The following DIPK1C variants were observed in gnomAD, a reference collection of about 807,000 sequenced individuals.
DIPK1C encodes the protein familial non-conventional Alzheimer's dementia.
A neutral mutation model predicts 28.0 loss-of-function variants in DIPK1C; 33 were observed. The ratio of observed to expected loss-of-function variants is 1.18; its 90% CI spans 0.89 to 1.58. DIPK1C has a LOEUF of 1.58. Ranked by LOEUF, DIPK1C falls within the 40% of genes most tolerant of loss-of-function variation. DIPK1C has a pLI of 0.00. For synonymous variants in DIPK1C, 255 were observed against 248.8 expected, an observed-to-expected ratio of 1.02 and a Z score of -0.23; for missense variants, 569 against 568.5, an observed-to-expected ratio of 1.00 and a Z score of -0.01.
At chr18:74,442,182 T>C in intron 2 of DIPK1C, 66 bp from the exon 3 acceptor site, 1 of 1,584,832 alleles carries the variant, frequency 6.3e-7, no homozygotes, top group Non-Finnish European at 8.6e-7. Flanking sequence ...GGGAGCCTGT[T>C]CACAACTTCT....
intron 3 of DIPK1C, 93 bp downstream of exon 3, chr18:74,441,859 A>C: frequency 7.3e-7 from 1 of 1,378,966 alleles, no homozygotes; most frequent in Non-Finnish European, 1.0e-6. Flanking sequence ...GAAAAGGTCG[A>C]CCTTGAGCTC....
intron 3 of DIPK1C, among the ~76,000 whole-genome samples, chr18:74,441,016 C>A (rs1986110927): frequency 6.6e-6 from 1 of 152,200 alleles, no homozygotes; most frequent in African/African-American, 2.4e-5. Context: ...GCTGGGACCA[C>A]TAGGTTAACA....
At chr18:74,445,700 G>A (rs1295921242) in intron 2 of DIPK1C, among the ~76,000 whole-genome samples, 3 of 152,188 alleles carry the variant, frequency 2.0e-5, no homozygotes, top group East Asian at 3.9e-4. Flanking sequence ...TGGTCTGGCC[G>A]TTCAGCTGCC....
intron 1 of DIPK1C, among the ~76,000 whole-genome samples, chr18:74,449,726 T>C (rs1986356290): frequency 6.6e-6 from 1 of 152,204 alleles, no homozygotes; most frequent in African/African-American, 2.4e-5. Flanking sequence ...CCTATTTGCC[T>C]GGGGCTGACT....
intron 3 of DIPK1C, among the ~76,000 whole-genome samples, chr18:74,439,420 C>A (rs1387275489): frequency 6.6e-6 from 1 of 152,152 alleles, no homozygotes; most frequent in Non-Finnish European, 1.5e-5. Context: ...GGGCTAAATA[C>A]CCGTATTTCA....
intron 3 of DIPK1C, among the ~76,000 whole-genome samples, chr18:74,438,577 G>A (rs910771971): frequency 1.3e-5 from 2 of 152,180 alleles, no homozygotes; most frequent in African/African-American, 4.8e-5. Flanking sequence ...GGTGAAAATG[G>A]TTTAATTTGC....
In DIPK1C at chr18:74,436,618, T is replaced by C. The variant is rs76872176; in HGVS notation, c.1143A>G (p.Glu381=). ...LQLQLQEAVQ[E]CADPGVPSGN... is the part of the protein sequence containing the mutation. ...CACTGGGGACCCCAGGGTCTGCACA[T>C]TCCTGCACCGCCTCCTGTAACTGCA... Residue 381 remains glutamate, a synonymous_variant, in exon 4 of 4, where the codon GAA becomes GAG. Transcript: ENST00000343998. 453 of 1,613,648 alleles carry C rather than the reference T, an allele frequency of 2.8e-4. 4 individuals are homozygous for C. In the African/African-American group the frequency reaches 5.2e-3, roughly 19 times the overall value.
Position 74,436,540 on chromosome 18 carries a change from G to T in DIPK1C, c.1221C>A (p.Leu407=). The T allele has an allele frequency of 6.2e-7, 1 of 1,605,586 alleles. No individual in the cohort carries two copies. Residue 407 remains leucine (L), a synonymous_variant, in exon 4 of 4, where the codon CTC becomes CTA. Transcript: ENST00000343998. ...SSVFWKLRQL[L]QATLRELQEA... is the part of the protein sequence containing the mutation. ...CCTGCAGCTCCCTCAGTGTGGCTTG[G>T]AGGAGTTGGCGAAGCTTCCAGAACA...
Position 74,436,194 on chromosome 18 carries a change from A to G in DIPK1C, c.*307T>C, listed in dbSNP as rs972998114. ...AGCTGGAACTCGTGCTGGGATAACC[A>G]GGTACAAGTGCTCTCTGCAGAGAAT... is the stretch of plus-strand genomic sequence containing the variant. On this transcript the variant is annotated 3_prime_UTR_variant, in exon 4 of 4. Coordinates refer to ENST00000343998, the MANE Select transcript of DIPK1C (RefSeq NM_001044369.3). The G allele has an allele frequency of 2.7e-6, 1 of 376,316 alleles. No individual in the cohort carries two copies. Among genetic ancestry groups the G allele is most frequent in the East Asian group, 4.6e-5 (1 of 21,926 alleles). 23.3% of individuals were successfully genotyped at this position (376,316 alleles called of 1,614,324 possible).
intron 3 of DIPK1C, among the ~76,000 whole-genome samples, chr18:74,438,194 C>G (rs182432509): frequency 6.6e-6 from 1 of 152,290 alleles, no homozygotes; most frequent in Non-Finnish European, 1.5e-5. Flanking sequence ...GCCCAGCCAT[C>G]CCTCCAAATC....
At chr18:74,442,357 C>G (rs947341614) in intron 2 of DIPK1C, among the ~76,000 whole-genome samples, 2 of 151,970 alleles carry the variant, frequency 1.3e-5, no homozygotes, top group Non-Finnish European at 2.9e-5. Flanking sequence ...GAGACGGAGT[C>G]TCACTCTGTC....
At chr18:74,449,707 T>C (rs1986355819) in intron 1 of DIPK1C, among the ~76,000 whole-genome samples, 1 of 152,182 alleles carries the variant, frequency 6.6e-6, no homozygotes, top group African/African-American at 2.4e-5. Flanking sequence ...CTGGAGCTAG[T>C]GACACCACCC....
intron 1 of DIPK1C, among the ~76,000 whole-genome samples, chr18:74,450,011 G>A (rs2288262): frequency 2.6e-5 from 4 of 152,098 alleles, no homozygotes; most frequent in Non-Finnish European, 5.9e-5. Flanking sequence ...GCGGCAGCTG[G>A]TCAGGCTCCT....
intron 2 of DIPK1C, among the ~76,000 whole-genome samples, chr18:74,446,354 T>C (rs1986259703): frequency 6.6e-6 from 1 of 152,206 alleles, no homozygotes; most frequent in Non-Finnish European, 1.5e-5. Flanking sequence ...AGCAGCCCTC[T>C]GGGAGGACGA....
chr18:74,438,700 GC>G (rs768312891), intron 3 of DIPK1C, among the ~76,000 whole-genome samples: 30 of 152,208 alleles, frequency 2.0e-4, no homozygotes, highest in Non-Finnish European at 3.8e-4. Context: ...TAAGGATATT[GC>G]CCTTGCTTTA....
chr18:74,438,109 C>T (rs1170849215), intron 3 of DIPK1C, among the ~76,000 whole-genome samples: 1 of 152,196 alleles, frequency 6.6e-6, no homozygotes, highest in African/African-American at 2.4e-5. Context: ...CAACACTGTT[C>T]TTGAACTCCA....
intron 3 of DIPK1C, among the ~76,000 whole-genome samples, chr18:74,437,989 T>C (rs1171190642): frequency 1.3e-5 from 2 of 152,198 alleles, no homozygotes; most frequent in Non-Finnish European, 2.9e-5. Flanking sequence ...CTTCCTTGGT[T>C]CAAGCGATCC....
upstream of DIPK1C, chr18:74,457,416 CG>C: frequency 2.3e-6 from 1 of 444,348 alleles, no homozygotes; most frequent in Non-Finnish European, 3.0e-6. Flanking sequence ...GGCGGAGGTG[CG>C]GGGAGGGCGT....
chr18:74,458,840 A>C (rs532376336), upstream of DIPK1C, among the ~76,000 whole-genome samples: 2 of 152,016 alleles, frequency 1.3e-5, no homozygotes, highest in African/African-American at 2.4e-5. Flanking sequence ...TAAACTCTCA[A>C]TTCAAGGCCA....
Sources: allele counts gnomAD v4.1 joint callset (sites outside exome capture counted in the v4.1 genomes callset), GRCh38; gene constraint gnomAD v4.1.1; transcripts MANE v1.5; gene names NCBI Gene and HGNC (gene_info 2026-07-23, HGNC 2026-07-21).